Variants in PLPP7 observed in about 807,000 individuals in gnomAD.
The protein encoded by PLPP7 is phospholipid phosphatase 7 (inactive), also known as inactive phospholipid phosphatase 7.
PLPP7 carries 11 observed loss-of-function variants against 16.9 expected under a neutral mutation model. That is an observed-to-expected ratio of 0.65 (90% CI 0.41 to 1.08). PLPP7 has a LOEUF of 1.08. PLPP7 is among the 50% of genes least tolerant of loss of function. The probability of loss-of-function intolerance (pLI) is 0.00; values close to 1 mark genes in which losing one functional copy is unlikely to be tolerated. For missense variants in PLPP7, 358 were observed against 397.1 expected (o/e 0.90, Z 0.84); for synonymous variants, 174 against 175.1 (o/e 0.99, Z 0.05).
chr9:131,293,211 C>G (rs545936942), intron 1 of PLPP7, among the ~76,000 whole-genome samples: 1 of 150,126 alleles, frequency 6.7e-6, no homozygotes, highest in Non-Finnish European at 1.5e-5. Context: ...CAAACCCCCC[C>G]ACTCCTCGCT....
chr9:131,303,488 CTT>C (rs5900928), intron 1 of PLPP7, among the ~76,000 whole-genome samples: 6 of 143,940 alleles, frequency 4.2e-5, no homozygotes, highest in East Asian at 4.0e-4. Context: ...TCTTCTGTGT[CTT>C]TTTTTTTTTT....
chr9:131,297,370 C>G (rs1231534711), intron 1 of PLPP7, among the ~76,000 whole-genome samples: 2 of 147,514 alleles, frequency 1.4e-5, no homozygotes, highest in Admixed American at 1.4e-4. Flanking sequence ...GGAGAGCTGG[C>G]TTTAGCAGGT....
chr9:131,307,824 A>G (rs1010459406), intron 1 of PLPP7, 99 bp from the exon 2 acceptor site: 4 of 1,258,022 alleles, frequency 3.2e-6, no homozygotes, highest in African/African-American at 1.5e-5. Context: ...GGCCTGAGTG[A>G]GGAGCAGAAA....
chr9:131,294,529 G>T (rs904508494), intron 1 of PLPP7, among the ~76,000 whole-genome samples: 26 of 152,178 alleles, frequency 1.7e-4, no homozygotes, highest in Non-Finnish European at 3.5e-4. Context: ...CAGGTGACAG[G>T]TGACAGGTGA....
At chr9:131,294,499 C>T (rs1274797586) in intron 1 of PLPP7, among the ~76,000 whole-genome samples, 1 of 152,186 alleles carries the variant, frequency 6.6e-6, no homozygotes, top group Non-Finnish European at 1.5e-5. Context: ...CAGCACCCAG[C>T]TTGATGATCC....
rs771699898 is a variant in PLPP7 at position 131,308,286 on chromosome 9, G to A, written c.815G>A (p.Ter272=). ...TGCCAGATGCTCATCTCTGCCTGGT[G>A]AAGCGCCCGCCGGCCCACACAAGCC... is the stretch of plus-strand genomic sequence containing the variant. ...STCQMLISAW[*] Residue 272 remains the stop codon, a stop_retained_variant, in exon 2 of 2, where the codon TGA becomes TAA. Transcript: ENST00000372264. 6.3e-7 allele frequency: 1 copy of A among 1,575,828 alleles called. No individual in the cohort carries two copies. The highest frequency in any genetic ancestry group is 1.1e-5 in the South Asian group (1 of 88,200).
At chr9:131,299,950 G>T (rs188606162) in intron 1 of PLPP7, among the ~76,000 whole-genome samples, 3 of 152,218 alleles carry the variant, frequency 2.0e-5, no homozygotes, top group Non-Finnish European at 4.4e-5. Flanking sequence ...GATACCCCCC[G>T]TCATTATGGC....
rs1320795565 is a variant in PLPP7, at chr9:131,290,621, C to T, written c.451+173C>T. On this transcript the variant is annotated intron_variant, in intron 1 of 1. Coordinates refer to ENST00000372264, the MANE Select transcript of PLPP7 (RefSeq NM_032728.4). The surrounding 1 kb of genome is among the most constrained non-coding windows in gnomAD (Gnocchi z 4.2). ...ACAGGCAGGCTCCGGCGTGGGGGAG[C>T]GACAGCCAGGGATGCATAGACGAGG... 2.3e-5 allele frequency among the ~76,000 whole-genome samples: 3 copies of T among 131,260 alleles called. No homozygotes were observed. The highest frequency in any genetic ancestry group is 7.4e-5 in the Admixed American group (1 of 13,594). The allele number at this position is 131,260 out of a possible 152,430, so 86.1% of individuals were successfully genotyped here.
At position 131,290,185 on chromosome 9, in the gene PLPP7, AGCAGCT is replaced by A. The variant is rs1205869308; in HGVS notation, c.191_196del (p.Gln64_Leu65del). The A allele has an allele frequency of 8.2e-6, 13 of 1,588,522 alleles. No individual in the cohort carries two copies. Among genetic ancestry groups the A allele is most frequent in the Non-Finnish European group, 1.0e-5 (12 of 1,164,418 alleles). On this transcript the variant is annotated inframe_deletion, in exon 1 of 2. Transcript: ENST00000372264. The surrounding 1 kb of genome is among the most constrained non-coding windows in gnomAD (Gnocchi z 4.2). ...GGGGCCAGAGAGCGACGCCAGTCAC[AGCAGCT>A]GCCAGAGGAGGACTGCATGCAGCTG...
At chr9:131,299,101 T>C (rs1257439363) in intron 1 of PLPP7, among the ~76,000 whole-genome samples, 4 of 152,220 alleles carry the variant, frequency 2.6e-5, no homozygotes, top group Admixed American at 2.6e-4. Flanking sequence ...AGCGTATCCA[T>C]GGCAGGGAGC....
chr9:131,294,979 A>G (rs1835719485), intron 1 of PLPP7, among the ~76,000 whole-genome samples: 1 of 148,828 alleles, frequency 6.7e-6, no homozygotes, highest in Non-Finnish European at 1.5e-5. Context: ...TTGAGACGGA[A>G]TCTCACTCTG....
chr9:131,302,353 C>G (rs1190218601), intron 1 of PLPP7, among the ~76,000 whole-genome samples: 1 of 152,198 alleles, frequency 6.6e-6, no homozygotes, highest in African/African-American at 2.4e-5. Flanking sequence ...AGAGGACCAG[C>G]TGGCCCCTCT....
Position 131,290,939 on chromosome 9 carries a change from G to A in PLPP7, c.451+491G>A, listed in dbSNP as rs1835667488. 6.6e-6 allele frequency among the ~76,000 whole-genome samples: 1 copy of A among 152,168 alleles called. No individual in the cohort carries two copies. The highest frequency in any genetic ancestry group is 2.4e-5 in the African/African-American group (1 of 41,444). On this transcript the variant is annotated intron_variant, in intron 1 of 1. Coordinates refer to ENST00000372264, the MANE Select transcript of PLPP7 (RefSeq NM_032728.4). This position sits in a 1 kb window ranked among gnomAD's most constrained non-coding sequence, Gnocchi z 4.2. ...GTTCAGGAACCGGGAAAGCTGCCCAGGCTTCTTCCCCAGGGTCTGGGGACC... is the reference window on the plus strand; with the variant it reads ...GTTCAGGAACCGGGAAAGCTGCCCAAGCTTCTTCCCCAGGGTCTGGGGACC...
At chr9:131,304,863 C>CA (rs974102594) in intron 1 of PLPP7, among the ~76,000 whole-genome samples, 3 of 152,208 alleles carry the variant, frequency 2.0e-5, no homozygotes, top group Non-Finnish European at 2.9e-5. Flanking sequence ...GGGGAAAAGC[C>CA]ACGAAACAGA....
At chr9:131,293,790 T>C (rs1395260135) in intron 1 of PLPP7, among the ~76,000 whole-genome samples, 1 of 151,950 alleles carries the variant, frequency 6.6e-6, no homozygotes, top group African/African-American at 2.4e-5. Context: ...TGAAGGGAGA[T>C]GGCAAAGCAT....
In PLPP7 at chr9:131,295,659, C is replaced by T. The variant is rs1250997210; in HGVS notation, c.451+5211C>T. 2.0e-5 allele frequency among the ~76,000 whole-genome samples: 3 copies of T among 152,098 alleles called. No individual in the cohort carries two copies. Among genetic ancestry groups the T allele is most frequent in the African/African-American group, 7.2e-5 (3 of 41,416 alleles). ...CTGTCCCCATTAAGCACTGACTCCC[C>T]ACTCCCCTTCCCCCAGCCCCTGGCA... On this transcript the variant is annotated intron_variant, in intron 1 of 1. Coordinates refer to ENST00000372264, the MANE Select transcript of PLPP7 (RefSeq NM_032728.4). This position sits in a 1 kb window ranked among gnomAD's most constrained non-coding sequence, Gnocchi z 4.0.
rs760050957 is a variant in PLPP7, at chr9:131,308,171, C to A, written c.700C>A (p.Arg234Ser). Residue 234 changes from arginine to serine, a missense_variant, in exon 2 of 2, where the codon CGC (arginine) becomes AGC (serine). By Grantham distance (110) the Arg-to-Ser change is moderately radical. Transcript: ENST00000372264. Reference sequence around the variant, plus strand: ...GGGCCTGTCCCGCGTGATGATCGGCCGCCACCACGTCACGGACGTCCTCTC... The same window carrying A: ...GGGCCTGTCCCGCGTGATGATCGGCAGCCACCACGTCACGGACGTCCTCTC... ...CVGLSRVMIG[R>S]HHVTDVLSGF... The A allele has an allele frequency of 6.2e-7, 1 of 1,600,352 alleles. No homozygotes were observed. Among genetic ancestry groups the A allele is most frequent in the Non-Finnish European group, 8.5e-7 (1 of 1,179,816 alleles).
intron 1 of PLPP7, chr9:131,291,310 G>A: frequency 1.6e-6 from 2 of 1,217,034 alleles, no homozygotes; most frequent in South Asian, 2.8e-5. Context: ...CATCATTTGA[G>A]GGACATGTGA....
chr9:131,294,651 T>TTTTGTTTG (rs201869319), intron 1 of PLPP7, among the ~76,000 whole-genome samples: 49 of 151,986 alleles, frequency 3.2e-4, no homozygotes, highest in African/African-American at 8.9e-4. Flanking sequence ...GAAAGTATCT[T>TTTTGTTTG]TTTGTTTGTT....
Sources: allele counts gnomAD v4.1 joint callset (sites outside exome capture counted in the v4.1 genomes callset), GRCh38; gene constraint gnomAD v4.1.1; non-coding constraint Gnocchi (gnomAD v3.1); transcripts MANE v1.5; gene names NCBI Gene and HGNC (gene_info 2026-07-23, HGNC 2026-07-21).